FGF14: variants seen among roughly 807,000 people sequenced by gnomAD.
FGF14 encodes fibroblast growth factor homologous factor 4.
In FGF14, 5 loss-of-function variants were observed where a neutral mutation model predicts 25.5. That is an observed-to-expected ratio of 0.20 (90% CI 0.10 to 0.41). The LOEUF (loss-of-function observed/expected upper bound fraction) is 0.41, where lower values mean the gene tolerates loss of function less well. Among genes scored for constraint, FGF14 ranks in the 10% least tolerant of loss-of-function variants. The pLI is 1.00. For missense variants in FGF14, 222 were observed against 320.1 expected (o/e 0.69, Z 2.34); for synonymous variants, 138 against 118.3 (o/e 1.17, Z -1.08).
At chr13:102,229,199 T>C (rs1483462248) in intron 1 of FGF14, among the ~76,000 whole-genome samples, 1 of 152,212 alleles carries the variant, frequency 6.6e-6, no homozygotes, top group Non-Finnish European at 1.5e-5. Flanking sequence ...CTACGTTTGC[T>C]AGACTCCAAA....
intron 1 of FGF14, among the ~76,000 whole-genome samples, chr13:102,269,187 T>A (rs1484042929): frequency 6.6e-6 from 1 of 152,168 alleles, no homozygotes; most frequent in Admixed American, 6.5e-5. Flanking sequence ...AAGTCCTAGG[T>A]GGAGACCAAC....
chr13:101,945,149 T>C (rs912935555), intron 1 of FGF14, among the ~76,000 whole-genome samples: 3 of 151,988 alleles, frequency 2.0e-5, no homozygotes, highest in Non-Finnish European at 4.4e-5. Context: ...AGAAACCCCA[T>C]CTCTACTAAA....
intron 1 of FGF14, among the ~76,000 whole-genome samples, chr13:101,999,824 G>A (rs970809483): frequency 6.6e-6 from 1 of 152,044 alleles, no homozygotes; most frequent in Admixed American, 6.6e-5. Flanking sequence ...GACTCTTGAA[G>A]CTATGTTTCT....
At chr13:102,398,302 C>T (rs967312006) in intron 1 of FGF14, among the ~76,000 whole-genome samples, 1 of 152,030 alleles carries the variant, frequency 6.6e-6, no homozygotes. Context: ...TCCTTAAATT[C>T]GTAACTCTAT....
chr13:102,039,463 G>A (rs1263020479), intron 1 of FGF14, among the ~76,000 whole-genome samples: 2 of 152,202 alleles, frequency 1.3e-5, no homozygotes. Context: ...CAGCAGGTTG[G>A]TCCTACAGCC....
At chr13:102,158,657 A>G (rs957588338) in intron 1 of FGF14, among the ~76,000 whole-genome samples, 3 of 151,994 alleles carry the variant, frequency 2.0e-5, no homozygotes, top group African/African-American at 7.3e-5. Context: ...GTACCCTAAA[A>G]CTTAAAGTAT....
chr13:102,209,051 G>A (rs915715286), intron 1 of FGF14, among the ~76,000 whole-genome samples: 13 of 152,230 alleles, frequency 8.5e-5, no homozygotes, highest in Non-Finnish European at 1.8e-4. Context: ...AAACAGCTAT[G>A]AGAGGTACTC....
intron 1 of FGF14, among the ~76,000 whole-genome samples, chr13:102,342,730 A>G (rs1369299708): frequency 2.6e-5 from 4 of 152,108 alleles, no homozygotes; most frequent in African/African-American, 4.8e-5. Flanking sequence ...TGTTGATGTC[A>G]TTTTCCTCTA....
At chr13:102,034,115 T>C (rs1239881231) in intron 1 of FGF14, among the ~76,000 whole-genome samples, 1 of 152,092 alleles carries the variant, frequency 6.6e-6, no homozygotes, top group Non-Finnish European at 1.5e-5. Context: ...GACTGCATAA[T>C]GTGGCAGCAA....
intron 1 of FGF14, among the ~76,000 whole-genome samples, chr13:102,230,943 G>A (rs761596581): frequency 6.6e-6 from 1 of 152,126 alleles, no homozygotes; most frequent in Non-Finnish European, 1.5e-5. Context: ...GTAAAGAAAC[G>A]ATTTAAAGAG....
intron 3 of FGF14, among the ~76,000 whole-genome samples, chr13:101,773,939 C>T (rs757995585): frequency 6.0e-5 from 9 of 150,396 alleles, no homozygotes; most frequent in Non-Finnish European, 8.9e-5. Context: ...TTGCGCTGTG[C>T]CAAGCATACA....
At chr13:102,138,005 C>G (rs2046486184) in intron 1 of FGF14, among the ~76,000 whole-genome samples, 1 of 150,402 alleles carries the variant, frequency 6.6e-6, no homozygotes, top group Admixed American at 6.6e-5. Flanking sequence ...GGAAAGTGGA[C>G]CGTCCCAGCT....
At chr13:101,979,601 T>C (rs1429750991) in intron 1 of FGF14, among the ~76,000 whole-genome samples, 1 of 152,158 alleles carries the variant, frequency 6.6e-6, no homozygotes, top group Middle Eastern at 3.2e-3. Flanking sequence ...CACAACCTTA[T>C]ATCTAGAAGC....
At chr13:101,879,262 G>A (rs987748895) in intron 1 of FGF14, among the ~76,000 whole-genome samples, 13 of 152,094 alleles carry the variant, frequency 8.5e-5, no homozygotes, top group Middle Eastern at 3.4e-3. Flanking sequence ...TACTAAAAAC[G>A]TTTTGAAGAT....
chr13:102,288,339 T>C (rs1000071642), intron 1 of FGF14, among the ~76,000 whole-genome samples: 1 of 152,220 alleles, frequency 6.6e-6, no homozygotes, highest in East Asian at 1.9e-4. Flanking sequence ...AACTTTGTAT[T>C]AATTCTAAGT....
intron 1 of FGF14, among the ~76,000 whole-genome samples, chr13:101,887,115 C>T (rs952850301): frequency 3.3e-5 from 5 of 151,778 alleles, no homozygotes; most frequent in African/African-American, 1.2e-4. Context: ...TTAGTACAGC[C>T]ACTATGGAAA....
At chr13:102,088,920 G>A (rs2044047654) in intron 1 of FGF14, among the ~76,000 whole-genome samples, 1 of 152,082 alleles carries the variant, frequency 6.6e-6, no homozygotes, top group South Asian at 2.1e-4. Context: ...ACATATTGTA[G>A]CTTAGGAAAC....
chr13:102,130,989 A>T (rs1181948634), intron 1 of FGF14, among the ~76,000 whole-genome samples: 1 of 152,258 alleles, frequency 6.6e-6, no homozygotes, highest in Non-Finnish European at 1.5e-5. Context: ...CACCAAGTGA[A>T]TAAATGCATA....
chr13:101,838,382 C>T (rs974777778), intron 3 of FGF14, among the ~76,000 whole-genome samples: 3 of 152,018 alleles, frequency 2.0e-5, no homozygotes, highest in South Asian at 2.1e-4. Context: ...TTCCCAGCCA[C>T]TCTTTGGGAT....
Sources: gnomAD v4.1 joint callset for allele counts (sites outside exome capture counted in the v4.1 genomes callset) on GRCh38, gnomAD v4.1.1 for gene constraint, MANE v1.5 for transcripts, NCBI Gene and HGNC (gene_info 2026-07-23, HGNC 2026-07-21) for gene names.